ARHGAP26: variants seen among roughly 807,000 people sequenced by gnomAD.
The protein encoded by ARHGAP26 is Rho GTPase activating protein 26.
Under a neutral mutation model 104.8 loss-of-function variants are expected in ARHGAP26, and 38 were observed. The ratio of observed to expected loss-of-function variants is 0.36; its 90% CI spans 0.28 to 0.48. The LOEUF is 0.48. ARHGAP26 is among the 20% of genes least tolerant of loss of function. The pLI is 0.99. For synonymous variants in ARHGAP26, 341 were observed against 340.0 expected, an observed-to-expected ratio of 1.00 and a Z score of -0.03; for missense variants, 704 against 947.9, an observed-to-expected ratio of 0.74 and a Z score of 3.38.
intron 20 of ARHGAP26, among the ~76,000 whole-genome samples, chr5:143,200,581 G>A (rs1303363622): frequency 6.7e-6 from 1 of 149,486 alleles, no homozygotes; most frequent in African/African-American, 2.4e-5. Context: ...TTAACTACAT[G>A]TGTAGTATAA....
intron 10 of ARHGAP26, among the ~76,000 whole-genome samples, chr5:142,925,804 A>G (rs1309933351): frequency 1.3e-5 from 2 of 152,180 alleles, no homozygotes; most frequent in African/African-American, 4.8e-5. Flanking sequence ...AATATACAGT[A>G]GTGTGGATGG....
intron 1 of ARHGAP26, among the ~76,000 whole-genome samples, chr5:142,776,472 A>G (rs1194373078): frequency 1.3e-5 from 2 of 152,186 alleles, no homozygotes; most frequent in Admixed American, 6.5e-5. Context: ...TTCCCTGAAA[A>G]ATTAAGCTAA....
rs988358662 is a variant in ARHGAP26 at position 143,224,113 on chromosome 5, T to G, written c.*1667T>G. The G allele has an allele frequency of 8.7e-6, 2 of 229,340 alleles. No homozygotes were observed. Among genetic ancestry groups the G allele is most frequent in the Admixed American group, 5.7e-5 (1 of 17,630 alleles). 14.2% of individuals were successfully genotyped at this position (229,340 alleles called of 1,614,324 possible). The stretch of plus-strand genomic sequence containing the variant: ...TGAATTACTGTATCTTTTACTTTTT[T>G]TTTTTTGAAAAGATAAACTTGTAAA... On this transcript the variant is annotated 3_prime_UTR_variant, in exon 23 of 23. Transcript: ENST00000645722.
At chr5:142,863,969 G>C (rs1378691610) in intron 1 of ARHGAP26, among the ~76,000 whole-genome samples, 2 of 152,118 alleles carry the variant, frequency 1.3e-5, no homozygotes, top group African/African-American at 4.8e-5. Flanking sequence ...TGTTGAGAGA[G>C]AGGAATCCCT....
At chr5:142,912,638 A>G (rs1166396204) in intron 9 of ARHGAP26, among the ~76,000 whole-genome samples, 3 of 152,222 alleles carry the variant, frequency 2.0e-5, no homozygotes, top group African/African-American at 7.2e-5. Flanking sequence ...CCAGGAGACA[A>G]AAGTAAGCAA....
chr5:142,888,950 G>A (rs1205379706), intron 5 of ARHGAP26, among the ~76,000 whole-genome samples: 2 of 152,342 alleles, frequency 1.3e-5, no homozygotes, highest in East Asian at 3.9e-4. Flanking sequence ...GGCAGGCAGG[G>A]AAACTGTCTT....
intron 20 of ARHGAP26, among the ~76,000 whole-genome samples, chr5:143,182,123 AC>A (rs1804470516): frequency 6.6e-6 from 1 of 151,966 alleles, no homozygotes. Context: ...CTGTCCCCAC[AC>A]CCATCACTGT....
intron 1 of ARHGAP26, among the ~76,000 whole-genome samples, chr5:142,802,683 A>T (rs1054088395): frequency 1.2e-4 from 18 of 148,998 alleles, no homozygotes; most frequent in Admixed American, 4.0e-4. Context: ...GCATTGGCAA[A>T]TTTTTTTTTT....
intron 10 of ARHGAP26, among the ~76,000 whole-genome samples, chr5:142,926,798 G>A (rs1763970713): frequency 6.6e-6 from 1 of 152,126 alleles, no homozygotes; most frequent in African/African-American, 2.4e-5. Flanking sequence ...CTGCCCTTCT[G>A]CAGCCGTAAT....
rs1032257944 is a variant in ARHGAP26, at chr5:142,963,210, G to A, written c.1107+31085G>A. ...TATATATATATATATGTGTGTGTGT[G>A]TGTGTGTGTGCGCGTGTGTGTGTGT... On this transcript the variant is annotated intron_variant, in intron 11 of 22. Coordinates refer to ENST00000645722, the MANE Select transcript of ARHGAP26 (RefSeq NM_001135608.3). Among the ~76,000 whole-genome samples the A allele has an allele frequency of 4.0e-4, 40 of 100,848 alleles. No homozygotes were observed. In the East Asian group the frequency reaches 0.026, roughly 65 times the overall value. 66.2% of individuals were successfully genotyped at this position (100,848 alleles called of 152,430 possible).
At chr5:142,815,459 A>G (rs1402631836) in intron 1 of ARHGAP26, among the ~76,000 whole-genome samples, 1 of 152,266 alleles carries the variant, frequency 6.6e-6, no homozygotes, top group East Asian at 1.9e-4. Flanking sequence ...TAAATGGAAA[A>G]GAGTATTTTT....
intron 11 of ARHGAP26, among the ~76,000 whole-genome samples, chr5:142,991,550 A>G (rs1775615937): frequency 6.6e-6 from 1 of 152,054 alleles, no homozygotes; most frequent in African/African-American, 2.4e-5. Context: ...TCACACTGGG[A>G]GCTGTAGACT....
chr5:143,132,861 T>TA lies in ARHGAP26; in HGVS notation c.1699-1089dup, dbSNP rs11339754. On this transcript the variant is annotated intron_variant, in intron 18 of 22. Coordinates refer to ENST00000645722, the MANE Select transcript of ARHGAP26 (RefSeq NM_001135608.3). ...TATCCATTTAAAAAGGAATCTGGGG[T>TA]AAAAAAAAAAAAAAAAACTGTTATC... Among the ~76,000 whole-genome samples, 1,070 of 134,566 alleles carry TA rather than the reference T, an allele frequency of 8.0e-3. 2 individuals carry two copies. The highest frequency in any genetic ancestry group is 0.019 in the Middle Eastern group (5 of 266). The allele number at this position is 134,566 out of a possible 152,430, so 88.3% of individuals were successfully genotyped here.
chr5:143,053,787 A>G (rs923588710), intron 14 of ARHGAP26, among the ~76,000 whole-genome samples: 2 of 152,218 alleles, frequency 1.3e-5, no homozygotes, highest in Non-Finnish European at 2.9e-5. Context: ...CCCAACCACT[A>G]ATTTAGAGTA....
chr5:142,950,915 G>T (rs1768232007), intron 11 of ARHGAP26, among the ~76,000 whole-genome samples: 1 of 152,178 alleles, frequency 6.6e-6, no homozygotes, highest in Non-Finnish European at 1.5e-5. Context: ...TAGATTCTAG[G>T]TTGGTAGATC....
intron 20 of ARHGAP26, among the ~76,000 whole-genome samples, chr5:143,198,638 G>A (rs765803253): frequency 6.6e-6 from 1 of 152,084 alleles, no homozygotes; most frequent in Non-Finnish European, 1.5e-5. Context: ...TCATATTTCT[G>A]TATTATTCAG....
At chr5:142,775,793 G>A (rs2151815382) in intron 1 of ARHGAP26, among the ~76,000 whole-genome samples, 1 of 152,304 alleles carries the variant, frequency 6.6e-6, no homozygotes, top group African/African-American at 2.4e-5. Flanking sequence ...CATGTTAATA[G>A]CATGTGTTAG....
intron 17 of ARHGAP26, among the ~76,000 whole-genome samples, chr5:143,077,236 G>A (rs144615470): frequency 1.6e-4 from 24 of 152,334 alleles, no homozygotes; most frequent in Admixed American, 1.4e-3. Flanking sequence ...AGTGGAGCAG[G>A]TTAGCTAAGC....
chr5:142,831,129 G>T (rs77615836), intron 1 of ARHGAP26, among the ~76,000 whole-genome samples: 8,840 of 152,158 alleles, frequency 0.058, 396 homozygotes, highest in East Asian at 0.11. Context: ...TTTCTTTCTT[G>T]CTTTCTGTGG....
Sources: allele counts gnomAD v4.1 joint callset (sites outside exome capture counted in the v4.1 genomes callset), GRCh38; gene constraint gnomAD v4.1.1; transcripts MANE v1.5; gene names NCBI Gene and HGNC (gene_info 2026-07-23, HGNC 2026-07-21).